Variants in ADAMTS6 observed in about 807,000 individuals in gnomAD.
The protein encoded by ADAMTS6 is A disintegrin and metalloproteinase with thrombospondin motifs 6.
A neutral mutation model predicts 144.3 loss-of-function variants in ADAMTS6; 23 were observed. The observed-to-expected ratio is 0.16, with a 90% CI of 0.11 to 0.23. ADAMTS6 has a LOEUF of 0.23. Ranked by LOEUF, ADAMTS6 falls within the 10% of genes least tolerant of loss-of-function variation. The pLI is 1.00. For synonymous variants in ADAMTS6, 444 were observed against 457.5 expected, an observed-to-expected ratio of 0.97 and a Z score of 0.38; for missense variants, 999 against 1,379.6, an observed-to-expected ratio of 0.72 and a Z score of 4.37.
intron 18 of ADAMTS6, among the ~76,000 whole-genome samples, chr5:65,219,791 A>C (rs1052405884): frequency 6.6e-6 from 1 of 152,250 alleles, no homozygotes; most frequent in African/African-American, 2.4e-5. Context: ...AACAATCATA[A>C]ATGTCTATAC....
intron 20 of ADAMTS6, among the ~76,000 whole-genome samples, chr5:65,203,237 A>G (rs4700669): frequency 6.6e-6 from 1 of 152,164 alleles, no homozygotes; most frequent in East Asian, 1.9e-4. Context: ...ATGCTGGTAT[A>G]CCCAGCATGG....
intron 7 of ADAMTS6, among the ~76,000 whole-genome samples, chr5:65,354,112 C>G (rs762279817): frequency 6.6e-6 from 1 of 151,866 alleles, no homozygotes; most frequent in Non-Finnish European, 1.5e-5. Flanking sequence ...GCCTACTCTT[C>G]TGTTGATCTC....
At chr5:65,463,848 T>C (rs386188) in intron 3 of ADAMTS6, among the ~76,000 whole-genome samples, 54,619 of 152,002 alleles carry the variant, frequency 0.36, 10,348 homozygotes, top group South Asian at 0.43. Flanking sequence ...TCCTTTCCTG[T>C]AGTCCTCTGG....
At chr5:65,462,968 T>TACTC (rs1392907153) in intron 3 of ADAMTS6, among the ~76,000 whole-genome samples, 1 of 151,520 alleles carries the variant, frequency 6.6e-6, no homozygotes, top group African/African-American at 2.4e-5. Context: ...TAATCCCAGC[T>TACTC]ACTCGGGAGG....
intron 7 of ADAMTS6, among the ~76,000 whole-genome samples, chr5:65,335,862 C>G (rs1428242860): frequency 6.6e-6 from 1 of 151,676 alleles, no homozygotes; most frequent in African/African-American, 2.4e-5. Flanking sequence ...ACAGACAAAA[C>G]AGTGAATACA....
intron 12 of ADAMTS6, among the ~76,000 whole-genome samples, chr5:65,270,070 A>G (rs1761939887): frequency 6.6e-6 from 1 of 152,204 alleles, no homozygotes; most frequent in South Asian, 2.1e-4. Flanking sequence ...CTGGGATTGT[A>G]GGCATAAGCC....
intron 7 of ADAMTS6, among the ~76,000 whole-genome samples, chr5:65,344,028 G>A (rs1748093929): frequency 6.6e-6 from 1 of 151,884 alleles, no homozygotes; most frequent in Non-Finnish European, 1.5e-5. Context: ...ATATCTCCCT[G>A]GCTAGTCACA....
chr5:65,194,941 G>T (rs1379101362), intron 21 of ADAMTS6, among the ~76,000 whole-genome samples: 5 of 152,160 alleles, frequency 3.3e-5, no homozygotes, highest in Admixed American at 3.3e-4. Flanking sequence ...CTTATGGGAT[G>T]AAATGACCAA....
chr5:65,479,323 C>CAA (rs1297056291), intron 1 of ADAMTS6, among the ~76,000 whole-genome samples: 2 of 151,970 alleles, frequency 1.3e-5, no homozygotes, highest in Non-Finnish European at 2.9e-5. Context: ...GATTGGTTTC[C>CAA]AAGGAAAGGT....
intron 23 of ADAMTS6, among the ~76,000 whole-genome samples, chr5:65,171,133 C>T (rs1753600228): frequency 1.3e-5 from 2 of 152,084 alleles, no homozygotes; most frequent in African/African-American, 4.8e-5. Context: ...CCTCAGCCTC[C>T]CGAGTAGCTG....
intron 8 of ADAMTS6, among the ~76,000 whole-genome samples, chr5:65,332,039 A>G (rs1228544741): frequency 1.3e-5 from 2 of 151,866 alleles, no homozygotes; most frequent in Non-Finnish European, 2.9e-5. Flanking sequence ...ATAAAATGAG[A>G]AGTAGCATAG....
intron 20 of ADAMTS6, among the ~76,000 whole-genome samples, chr5:65,213,575 C>T (rs1756681501): frequency 6.6e-6 from 1 of 151,174 alleles, no homozygotes; most frequent in Non-Finnish European, 1.5e-5. Context: ...GTTGAGGCTG[C>T]AGTGAGCCAT....
At chr5:65,333,739 G>C (rs182556614) in intron 8 of ADAMTS6, among the ~76,000 whole-genome samples, 4 of 150,498 alleles carry the variant, frequency 2.7e-5, no homozygotes, top group Admixed American at 2.6e-4. Context: ...TGATAACCTC[G>C]ATTTATAATT....
chr5:65,373,720 TC>T, intron 7 of ADAMTS6, among the ~76,000 whole-genome samples: 1 of 152,216 alleles, frequency 6.6e-6, no homozygotes, highest in African/African-American at 2.4e-5. Context: ...ACTATTCCAA[TC>T]AATAGAAATA....
chr5:65,290,206 C>A (rs1190532337), intron 11 of ADAMTS6, among the ~76,000 whole-genome samples: 1 of 152,204 alleles, frequency 6.6e-6, no homozygotes, highest in East Asian at 1.9e-4. Context: ...ACTACCTTAA[C>A]CCTTAATTAT....
intron 7 of ADAMTS6, among the ~76,000 whole-genome samples, chr5:65,422,604 G>C (rs1756155755): frequency 6.6e-6 from 1 of 151,836 alleles, no homozygotes; most frequent in Admixed American, 6.6e-5. Context: ...CCTGGTGACA[G>C]AGCGAGACTA....
At chr5:65,372,967 TCAA>T (rs1751115906) in intron 7 of ADAMTS6, among the ~76,000 whole-genome samples, 1 of 152,080 alleles carries the variant, frequency 6.6e-6, no homozygotes, top group African/African-American at 2.4e-5. Flanking sequence ...TCAAAACCAC[TCAA>T]CTACATGGAA....
At chr5:65,188,291 AG>A (rs1579997215) in intron 21 of ADAMTS6, 71 bp from the exon 22 acceptor site, 1 of 1,478,668 alleles carries the variant, frequency 6.8e-7, no homozygotes, top group East Asian at 2.3e-5. Flanking sequence ...AGCTAAGTGA[AG>A]GCACTTTCAC....
At chr5:65,386,728 T>C (rs1169992887) in intron 7 of ADAMTS6, among the ~76,000 whole-genome samples, 1 of 152,070 alleles carries the variant, frequency 6.6e-6, no homozygotes, top group African/African-American at 2.4e-5. Flanking sequence ...GCTGGAATTA[T>C]AGGTGCCCAC....
Sources: allele counts gnomAD v4.1 joint callset (sites outside exome capture counted in the v4.1 genomes callset), GRCh38; gene constraint gnomAD v4.1.1; transcripts MANE v1.5; gene names NCBI Gene and HGNC (gene_info 2026-07-23, HGNC 2026-07-21).